The following MUCL1 variants were observed in gnomAD, a reference collection of about 807,000 sequenced individuals.
MUCL1 encodes the protein mucin like 1.
Under a neutral mutation model 9.2 loss-of-function variants are expected in MUCL1, and 11 were observed. The ratio of observed to expected loss-of-function variants is 1.19; its 90% CI spans 0.75 to 1.97. The LOEUF is 1.97. Ranked by LOEUF, MUCL1 falls within the 30% of genes most tolerant of loss-of-function variation. MUCL1 has a pLI of 0.00. For missense variants in MUCL1, 144 were observed against 110.9 expected, an observed-to-expected ratio of 1.30 and a Z score of -1.34; for synonymous variants, 48 against 40.5, an observed-to-expected ratio of 1.19 and a Z score of -0.71.
intron 2 of MUCL1, among the ~76,000 whole-genome samples, chr12:54,855,661 T>C (rs1868293128): frequency 6.6e-6 from 1 of 152,222 alleles, no homozygotes; most frequent in Non-Finnish European, 1.5e-5. Flanking sequence ...CCCAGGCTGA[T>C]GTTTGTTTCC....
intron 1 of MUCL1, among the ~76,000 whole-genome samples, chr12:54,846,895 G>A (rs1281228280): frequency 2.8e-4 from 42 of 152,124 alleles, no homozygotes; most frequent in Non-Finnish European, 1.5e-5. Context: ...AGATTTCTGG[G>A]ACTATAGGAT....
intron 1 of MUCL1, chr12:54,839,494 C>G: frequency 1.4e-6 from 1 of 701,114 alleles, no homozygotes. Flanking sequence ...CCAGCCTTGA[C>G]AGAGGCAGCT....
chr12:54,854,262 C>A (rs1255923329), upstream of MUCL1, among the ~76,000 whole-genome samples: 1 of 152,138 alleles, frequency 6.6e-6, no homozygotes, highest in Non-Finnish European at 1.5e-5. Flanking sequence ...GACACTATAC[C>A]CTACATGTAA....
chr12:54,838,049 G>A (rs1054096925), upstream of MUCL1, among the ~76,000 whole-genome samples: 9 of 152,148 alleles, frequency 5.9e-5, no homozygotes, highest in Non-Finnish European at 1.3e-4. Flanking sequence ...TGCTTCAAGT[G>A]GTTCTATTCT....
At chr12:54,840,874 A>T (rs956376453) in intron 1 of MUCL1, among the ~76,000 whole-genome samples, 1 of 152,150 alleles carries the variant, frequency 6.6e-6, no homozygotes, top group Non-Finnish European at 1.5e-5. Flanking sequence ...GCAGTATTCC[A>T]CTAGTAGCAG....
chr12:54,832,286 G>T (rs1033052937), intron 1 of MUCL1, among the ~76,000 whole-genome samples: 1 of 152,016 alleles, frequency 6.6e-6, no homozygotes, highest in Non-Finnish European at 1.5e-5. Flanking sequence ...CTTTCTTTCT[G>T]TTAAAAAGAC....
chr12:54,851,788 G>T (rs574244655), upstream of MUCL1, among the ~76,000 whole-genome samples: 174 of 152,292 alleles, frequency 1.1e-3, 1 homozygote, highest in African/African-American at 4.2e-3. Flanking sequence ...ATCTCCTTAA[G>T]CTGATAAGCA....
upstream of MUCL1, among the ~76,000 whole-genome samples, chr12:54,837,806 T>A (rs1044115933): frequency 2.6e-5 from 4 of 152,104 alleles, no homozygotes; most frequent in Admixed American, 1.3e-4. Context: ...AATCAATGCT[T>A]ATATTTTAGG....
chr12:54,837,979 G>T (rs1308556629), upstream of MUCL1, among the ~76,000 whole-genome samples: 1 of 152,264 alleles, frequency 6.6e-6, no homozygotes, highest in East Asian at 1.9e-4. Context: ...CATATTGATT[G>T]TTACCTTGAT....
At chr12:54,848,046 A>G (rs1213375588) in intron 1 of MUCL1, among the ~76,000 whole-genome samples, 2 of 137,748 alleles carry the variant, frequency 1.5e-5, no homozygotes, top group African/African-American at 5.4e-5. Flanking sequence ...TTTTTTTTTA[A>G]TAAATGCAGT....
chr12:54,831,486 A>G (rs930134131), intron 1 of MUCL1, among the ~76,000 whole-genome samples: 3 of 152,136 alleles, frequency 2.0e-5, no homozygotes, highest in African/African-American at 4.8e-5. Flanking sequence ...TAATAGTCAT[A>G]TAAGGTTAAA....
chr12:54,845,582 TG>T (rs1389700742), intron 1 of MUCL1, among the ~76,000 whole-genome samples: 1 of 152,086 alleles, frequency 6.6e-6, no homozygotes, highest in Non-Finnish European at 1.5e-5. Flanking sequence ...TTGACTTTTT[TG>T]TTCCAGCTGA....
At chr12:54,853,198 T>TGAA (rs1278138996), upstream of MUCL1, among the ~76,000 whole-genome samples, 1 of 152,206 alleles carries the variant, frequency 6.6e-6, no homozygotes, top group East Asian at 1.9e-4. Context: ...ATACTTTGTA[T>TGAA]GAAGAAGAAG....
At chr12:54,855,043 C>T in intron 1 of MUCL1, 73 bp from the exon 2 acceptor site, 1 of 1,270,816 alleles carries the variant, frequency 7.9e-7, no homozygotes, top group East Asian at 2.4e-5. Context: ...GAATATTGTC[C>T]ATATTCTCTC....
chr12:54,851,673 A>T (rs1959341947), upstream of MUCL1, among the ~76,000 whole-genome samples: 1 of 152,194 alleles, frequency 6.6e-6, no homozygotes, highest in Non-Finnish European at 1.5e-5. Flanking sequence ...ATCAGGCAGG[A>T]GAAGGAAATA....
upstream of MUCL1, chr12:54,839,230 C>A (rs1959199573): frequency 3.3e-6 from 2 of 613,512 alleles, no homozygotes; most frequent in Non-Finnish European, 5.8e-6. Flanking sequence ...TGTATAGTGG[C>A]TTACTCAGCT....
At chr12:54,845,532 G>T (rs1959242643) in intron 1 of MUCL1, among the ~76,000 whole-genome samples, 1 of 151,916 alleles carries the variant, frequency 6.6e-6, no homozygotes, top group South Asian at 2.1e-4. Context: ...TCATAATTTG[G>T]TCCCCATTCT....
intron 1 of MUCL1, among the ~76,000 whole-genome samples, chr12:54,831,739 A>G (rs1959185702): frequency 6.6e-6 from 1 of 152,082 alleles, no homozygotes; most frequent in African/African-American, 2.4e-5. Context: ...AAGAGACTAA[A>G]TATATTTGAG....
At chr12:54,846,884 C>T (rs1002076412) in intron 1 of MUCL1, among the ~76,000 whole-genome samples, 5 of 152,122 alleles carry the variant, frequency 3.3e-5, no homozygotes, top group African/African-American at 1.2e-4. Context: ...TGTTTATTTC[C>T]AGATTTCTGG....
Sources: allele counts gnomAD v4.1 joint callset (sites outside exome capture counted in the v4.1 genomes callset), GRCh38; gene constraint gnomAD v4.1.1; transcripts MANE v1.5; gene names NCBI Gene and HGNC (gene_info 2026-07-23, HGNC 2026-07-21).